VEGFC: variants seen among roughly 807,000 people sequenced by gnomAD.
The protein encoded by VEGFC is FLT4 ligand DHM.
VEGFC carries 12 observed loss-of-function variants against 46.1 expected under a neutral mutation model. The observed-to-expected ratio is 0.26, with a 90% confidence interval of 0.17 to 0.42. The LOEUF is 0.42. VEGFC is among the 10% of genes least tolerant of loss of function. The probability of loss-of-function intolerance (pLI) is 1.00; values close to 1 mark genes in which losing one functional copy is unlikely to be tolerated. For synonymous variants in VEGFC, 232 were observed against 195.5 expected (o/e 1.19, Z -1.56); for missense variants, 488 against 529.4 (o/e 0.92, Z 0.77).
chr4:176,728,206 T>A (rs1264865985), intron 2 of VEGFC, among the ~76,000 whole-genome samples: 1 of 152,190 alleles, frequency 6.6e-6, no homozygotes, highest in African/African-American at 2.4e-5. Flanking sequence ...TAAGAAAAAT[T>A]AGCATTATGC....
chr4:176,709,640 G>A (rs761981807), intron 4 of VEGFC, among the ~76,000 whole-genome samples: 1 of 152,102 alleles, frequency 6.6e-6, no homozygotes, highest in African/African-American at 2.4e-5. Flanking sequence ...TCTGGGAATC[G>A]GACTTGGTGA....
Position 176,684,750 on chromosome 4 carries a change from G to C in VEGFC, c.1146-710C>G, listed in dbSNP as rs139826415. ...AATTGAGGCTTCATTTTTTGAGACAGAGTCTTGTTCTGTCGCCCAGGCTGG... is the reference window on the plus strand; with the variant it reads ...AATTGAGGCTTCATTTTTTGAGACACAGTCTTGTTCTGTCGCCCAGGCTGG... On this transcript the variant is annotated intron_variant, in intron 6 of 6. Coordinates refer to ENST00000618562, the MANE Select transcript of VEGFC (RefSeq NM_005429.5). Among the ~76,000 whole-genome samples the C allele has an allele frequency of 1.3e-3, 204 of 152,316 alleles. 4 individuals carry two copies. The East Asian group carries it at 0.036, about 27-fold the overall frequency.
chr4:176,769,807 T>A (rs1735691842), intron 1 of VEGFC, among the ~76,000 whole-genome samples: 1 of 152,154 alleles, frequency 6.6e-6, no homozygotes, highest in Admixed American at 6.6e-5. Flanking sequence ...GTCATACAGC[T>A]CCTGAGGCCC....
chr4:176,707,393 G>C (rs571270707), intron 4 of VEGFC, among the ~76,000 whole-genome samples: 1 of 152,154 alleles, frequency 6.6e-6, no homozygotes, highest in African/African-American at 2.4e-5. Flanking sequence ...ACAAATGTTA[G>C]AATTTTATAA....
intron 1 of VEGFC, among the ~76,000 whole-genome samples, chr4:176,770,501 T>C (rs1448977588): frequency 6.7e-6 from 1 of 149,092 alleles, no homozygotes; most frequent in African/African-American, 2.6e-5. Flanking sequence ...TGAAGTCTCT[T>C]TTAAAACCTG....
At chr4:176,739,188 C>G (rs1380398049) in intron 1 of VEGFC, among the ~76,000 whole-genome samples, 1 of 151,528 alleles carries the variant, frequency 6.6e-6, no homozygotes, top group Non-Finnish European at 1.5e-5. Context: ...AAAAAGGAAC[C>G]CTTTACACTG....
intron 6 of VEGFC, among the ~76,000 whole-genome samples, chr4:176,686,706 C>G (rs1048493258): frequency 6.6e-6 from 1 of 151,836 alleles, no homozygotes; most frequent in Admixed American, 6.6e-5. Context: ...GTCTTGGGTA[C>G]CTTTAACAAC....
chr4:176,748,810 A>T, intron 1 of VEGFC, among the ~76,000 whole-genome samples: 1 of 152,012 alleles, frequency 6.6e-6, no homozygotes, highest in Non-Finnish European at 1.5e-5. Flanking sequence ...TTTTATTGAT[A>T]TAGTCTACCC....
At chr4:176,689,355 CAT>C (rs1314032912) in intron 4 of VEGFC, 5 of 152,144 alleles carry the variant, frequency 3.3e-5, no homozygotes, top group African/African-American at 9.7e-5. Flanking sequence ...TACAGCATCA[CAT>C]AGAGGAATTT....
intron 1 of VEGFC, among the ~76,000 whole-genome samples, chr4:176,771,263 C>T (rs1307073077): frequency 6.6e-6 from 1 of 152,000 alleles, no homozygotes; most frequent in Non-Finnish European, 1.5e-5. Context: ...TATAAACTGG[C>T]CAAACCCTAG....
At chr4:176,780,681 A>C (rs1735900158) in intron 1 of VEGFC, among the ~76,000 whole-genome samples, 1 of 152,174 alleles carries the variant, frequency 6.6e-6, no homozygotes, top group African/African-American at 2.4e-5. Context: ...GGATACATTT[A>C]ATTAGGAAAA....
chr4:176,728,009 A>G, intron 2 of VEGFC, 41 bp from the exon 3 acceptor site: 1 of 1,504,432 alleles, frequency 6.6e-7, no homozygotes, highest in Non-Finnish European at 8.9e-7. Context: ...TACGGAAACC[A>G]CCAAGATAAA....
At chr4:176,789,978 G>A (rs1468480015) in intron 1 of VEGFC, among the ~76,000 whole-genome samples, 1 of 152,046 alleles carries the variant, frequency 6.6e-6, no homozygotes, top group Non-Finnish European at 1.5e-5. Flanking sequence ...ATATTTTCTT[G>A]GGGTTCATGT....
At chr4:176,696,101 A>C (rs373894915) in intron 4 of VEGFC, among the ~76,000 whole-genome samples, 23 of 147,772 alleles carry the variant, frequency 1.6e-4, no homozygotes, top group Non-Finnish European at 2.1e-4. Context: ...TCTCACCACT[A>C]CTATTCAACA....
At chr4:176,689,562 C>T (rs1256628374) in intron 4 of VEGFC, 2 of 152,214 alleles carry the variant, frequency 1.3e-5, no homozygotes, top group Non-Finnish European at 2.9e-5. Context: ...AGATTGCCCC[C>T]TTGTCCTCCA....
intron 4 of VEGFC, among the ~76,000 whole-genome samples, chr4:176,699,897 T>A (rs183810866): frequency 8.1e-4 from 124 of 152,360 alleles, no homozygotes; most frequent in Admixed American, 2.0e-3. Context: ...TCTGTTGTAC[T>A]GATTTTTATT....
At chr4:176,780,388 A>AAAAAAAAAAAAAAC (rs1464496882) in intron 1 of VEGFC, among the ~76,000 whole-genome samples, 11 of 21,844 alleles carry the variant, frequency 5.0e-4, no homozygotes, top group East Asian at 4.8e-3. Flanking sequence ...TCTCAAAAAA[A>AAAAAAAAAAAAAAC]AAAAAAAAAA....
At chr4:176,757,199 A>G (rs1380197519) in intron 1 of VEGFC, among the ~76,000 whole-genome samples, 1 of 152,052 alleles carries the variant, frequency 6.6e-6, no homozygotes, top group African/African-American at 2.4e-5. Context: ...TCTAGGCACC[A>G]TTCATAATCT....
chr4:176,770,970 A>C lies in VEGFC; in HGVS notation c.147+21195T>G, dbSNP rs145874508. On this transcript the variant is annotated intron_variant, in intron 1 of 6. Transcript: ENST00000618562. Reference sequence around the variant, plus strand: ...TGTCTTTCATTCAATTGAAGGTGCAAGTAACTGATACACACACACACACAC... The same window carrying C: ...TGTCTTTCATTCAATTGAAGGTGCACGTAACTGATACACACACACACACAC... Among the ~76,000 whole-genome samples the C allele has an allele frequency of 1.0e-3, 106 of 104,328 alleles. No homozygotes were observed. In the East Asian group the frequency reaches 0.032, roughly 31 times the overall value. The allele number at this position is 104,328 out of a possible 152,430, so 68.4% of individuals were successfully genotyped here.
Sources: allele counts gnomAD v4.1 joint callset (sites outside exome capture counted in the v4.1 genomes callset), GRCh38; gene constraint gnomAD v4.1.1; transcripts MANE v1.5; gene names NCBI Gene and HGNC (gene_info 2026-07-23, HGNC 2026-07-21).